Variants in KLHL7 observed in about 807,000 individuals in gnomAD.
KLHL7 encodes the protein kelch-like protein 7.
KLHL7 carries 44 observed loss-of-function variants against 67.4 expected under a neutral mutation model. That is an observed-to-expected ratio of 0.65 (90% CI 0.51 to 0.84). KLHL7 has a LOEUF of 0.84. KLHL7 is among the 40% of genes least tolerant of loss of function. KLHL7 has a pLI of 0.00. For synonymous variants in KLHL7, 252 were observed against 243.3 expected (o/e 1.04, Z -0.33); for missense variants, 362 against 718.1 (o/e 0.50, Z 5.67).
chr7:23,149,275 T>A (rs2128466273), intron 6 of KLHL7, among the ~76,000 whole-genome samples: 1 of 152,156 alleles, frequency 6.6e-6, no homozygotes, highest in East Asian at 1.9e-4. Context: ...GATACCAAAG[T>A]GTCCCCCAGC....
chr7:23,172,741 A>G (rs1785201200), intron 9 of KLHL7: 2 of 508,814 alleles, frequency 3.9e-6, no homozygotes, highest in South Asian at 5.2e-5. Flanking sequence ...ATTGAAAGGA[A>G]TAAAATCCAT....
At chr7:23,172,183 T>C (rs1360617755) in intron 9 of KLHL7, 1 of 456,412 alleles carries the variant, frequency 2.2e-6, no homozygotes. Context: ...CAAATGTCAG[T>C]CTTGGGAGTG....
rs1478218792 is a variant in KLHL7, at chr7:23,105,962, T to A, written c.-65T>A. The A allele has an allele frequency of 6.3e-7, 1 of 1,577,888 alleles. No individual in the cohort carries two copies. The highest frequency in any genetic ancestry group is 8.6e-7 in the Non-Finnish European group (1 of 1,166,170). On this transcript the variant is annotated 5_prime_UTR_variant, in exon 1 of 11. Transcript: ENST00000339077. Reference sequence around the variant, plus strand: ...TGTTTGGTCGATAGAATCCCCAGTGTGCCCAGAGAGTGCGACCCCTCGCCC... The same window carrying A: ...TGTTTGGTCGATAGAATCCCCAGTGAGCCCAGAGAGTGCGACCCCTCGCCC...
At chr7:23,123,134 A>G (rs563926502) in intron 1 of KLHL7, among the ~76,000 whole-genome samples, 2 of 152,320 alleles carry the variant, frequency 1.3e-5, no homozygotes, top group African/African-American at 4.8e-5. Context: ...TGGTGATACT[A>G]TTTTGACGTT....
chr7:23,159,678 C>T (rs1784806285), intron 7 of KLHL7, among the ~76,000 whole-genome samples: 1 of 152,066 alleles, frequency 6.6e-6, no homozygotes, highest in Non-Finnish European at 1.5e-5. Context: ...ACTACAGGCA[C>T]ATGCCACTAC....
chr7:23,138,742 T>C (rs1784076503), intron 4 of KLHL7, among the ~76,000 whole-genome samples: 1 of 151,896 alleles, frequency 6.6e-6, no homozygotes, highest in African/African-American at 2.4e-5. Context: ...TTTACCGTGT[T>C]GGCCAGGCTG....
chr7:23,117,861 T>C (rs776247273), intron 1 of KLHL7: 3 of 1,613,494 alleles, frequency 1.9e-6, no homozygotes, highest in Non-Finnish European at 2.5e-6. Context: ...CCAGCTGTAG[T>C]TGAATCTACA....
intron 4 of KLHL7, among the ~76,000 whole-genome samples, chr7:23,134,623 A>G (rs538929794): frequency 6.6e-6 from 1 of 152,248 alleles, no homozygotes; most frequent in East Asian, 1.9e-4. Context: ...TATAGCTTCA[A>G]GGTCATTACT....
At chr7:23,106,623 A>G in intron 1 of KLHL7, 1 of 1,037,868 alleles carries the variant, frequency 9.6e-7, no homozygotes, top group South Asian at 3.4e-5. Flanking sequence ...TCCCCGGTGG[A>G]GCTAGTTGAA....
intron 8 of KLHL7, among the ~76,000 whole-genome samples, chr7:23,166,850 T>C (rs1318023914): frequency 6.6e-6 from 1 of 152,166 alleles, no homozygotes; most frequent in South Asian, 2.1e-4. Context: ...TGTTTTTAGC[T>C]TAAGTAGTAG....
chr7:23,122,303 A>G (rs1163022494), intron 1 of KLHL7, among the ~76,000 whole-genome samples: 2 of 152,150 alleles, frequency 1.3e-5, no homozygotes, highest in African/African-American at 4.8e-5. Flanking sequence ...GATCTGATAT[A>G]ATCTGATTTG....
chr7:23,156,485 A>G (rs4722229), intron 7 of KLHL7, among the ~76,000 whole-genome samples: 140,772 of 152,160 alleles, frequency 0.93, 65,299 homozygotes, highest in East Asian at 0.99. Context: ...TTACGATATT[A>G]ATACCTAAAT....
intron 7 of KLHL7, among the ~76,000 whole-genome samples, chr7:23,154,238 T>C (rs1028235155): frequency 6.6e-6 from 1 of 152,074 alleles, no homozygotes; most frequent in Admixed American, 6.6e-5. Flanking sequence ...GTCTGAAATG[T>C]CAGCTACTCG....
intron 4 of KLHL7, among the ~76,000 whole-genome samples, chr7:23,128,316 T>C (rs894306762): frequency 4.1e-5 from 6 of 144,694 alleles, no homozygotes; most frequent in African/African-American, 7.6e-5. Context: ...AGTGAGAAGA[T>C]AAAAGAAAGG....
intron 1 of KLHL7, among the ~76,000 whole-genome samples, chr7:23,111,525 A>G (rs1013756428): frequency 6.6e-6 from 1 of 152,136 alleles, no homozygotes; most frequent in African/African-American, 2.4e-5. Flanking sequence ...TTTCTTCTTT[A>G]AAAAAGATGA....
Position 23,176,680 on chromosome 7 carries a change from A to G in KLHL7, c.*2382A>G. 1 of 151,572 alleles carries G rather than the reference A, an allele frequency of 6.6e-6. No homozygotes were observed. The highest frequency in any genetic ancestry group is 6.6e-5 in the Admixed American group (1 of 15,166). The allele number at this position is 151,572 out of a possible 1,614,324, so 9.4% of individuals were successfully genotyped here. A position where few individuals can be genotyped will look rare whatever the true frequency, so the allele number is the denominator to read the frequency against. ...GACTGAGACCCTGTCTCATTAAAAA[A>G]AAAAAAAAAAAAGCTGGGCGCTGTG... On this transcript the variant is annotated 3_prime_UTR_variant, in exon 11 of 11. Coordinates refer to ENST00000339077, the MANE Select transcript of KLHL7 (RefSeq NM_001031710.3).
At chr7:23,146,981 A>C (rs1209211024) in intron 6 of KLHL7, among the ~76,000 whole-genome samples, 1 of 141,164 alleles carries the variant, frequency 7.1e-6, no homozygotes, top group Non-Finnish European at 1.6e-5. Context: ...GAGAATTTGT[A>C]ATTTTCTTAT....
intron 8 of KLHL7, among the ~76,000 whole-genome samples, chr7:23,166,522 G>A (rs1785008031): frequency 6.6e-6 from 1 of 152,088 alleles, no homozygotes. Flanking sequence ...GTGCAGGCTA[G>A]ATACATAATA....
chr7:23,110,862 G>A lies in KLHL7; in HGVS notation c.120+4716G>A, dbSNP rs186887130. Among the ~76,000 whole-genome samples the A allele has an allele frequency of 2.0e-3, 294 of 145,776 alleles. 2 individuals carry two copies. The highest frequency in any genetic ancestry group is 6.9e-3 in the African/African-American group (269 of 39,022). On this transcript the variant is annotated intron_variant, in intron 1 of 10. Coordinates refer to ENST00000339077, the MANE Select transcript of KLHL7 (RefSeq NM_001031710.3). The stretch of plus-strand genomic sequence containing the variant: ...GTCCCACCTATGAGTGAGAACATGC[G>A]GTTCACTACATTTTCTTACTTACTA...
Sources: gnomAD v4.1 joint callset for allele counts (sites outside exome capture counted in the v4.1 genomes callset) on GRCh38, gnomAD v4.1.1 for gene constraint, MANE v1.5 for transcripts, NCBI Gene and HGNC (gene_info 2026-07-23, HGNC 2026-07-21) for gene names.